Variants in PPP1R18 observed in about 807,000 individuals in gnomAD.
PPP1R18 encodes protein phosphatase 1 regulatory subunit 18.
Under a neutral mutation model 54.8 loss-of-function variants are expected in PPP1R18, and 31 were observed. That is an observed-to-expected ratio of 0.57 (90% CI 0.43 to 0.76). PPP1R18 has a LOEUF of 0.76. PPP1R18 is among the 30% of genes least tolerant of loss of function. The probability of loss-of-function intolerance (pLI) is 0.00; values close to 1 mark genes in which losing one functional copy is unlikely to be tolerated. For missense variants in PPP1R18, 685 were observed against 776.1 expected, an observed-to-expected ratio of 0.88 and a Z score of 1.39; for synonymous variants, 310 against 320.2, an observed-to-expected ratio of 0.97 and a Z score of 0.34.
In PPP1R18 at chr6:30,686,092, C is replaced by T; in HGVS notation, c.-74G>A. 1 of 1,451,296 alleles carries T rather than the reference C, an allele frequency of 6.9e-7. No individual in the cohort carries two copies. Among genetic ancestry groups the T allele is most frequent in the Non-Finnish European group, 9.2e-7 (1 of 1,089,496 alleles). The allele number at this position is 1,451,296 out of a possible 1,614,324, so 89.9% of individuals were successfully genotyped here. Reference sequence around the variant, plus strand: ...GGAGAGGCTCCAGAGAGTGAGACAGCCCGGGGGTGAGACTGAGGGTGGGAG... The same window carrying T: ...GGAGAGGCTCCAGAGAGTGAGACAGTCCGGGGGTGAGACTGAGGGTGGGAG... On this transcript the variant is annotated 5_prime_UTR_variant, in exon 1 of 3. Transcript: ENST00000274853.
intron 1 of PPP1R18, among the ~76,000 whole-genome samples, chr6:30,682,575 G>A (rs919787295): frequency 2.0e-5 from 3 of 152,086 alleles, no homozygotes; most frequent in Non-Finnish European, 2.9e-5. Flanking sequence ...AGGGTGAGGC[G>A]TCTGGGTCAG....
In PPP1R18 at chr6:30,685,510, C is replaced by T. The variant is rs746220736; in HGVS notation, c.509G>A (p.Arg170Gln). The T allele has an allele frequency of 1.1e-5, 18 of 1,612,958 alleles. No homozygotes were observed. Among genetic ancestry groups the T allele is most frequent in the Middle Eastern group, 1.6e-4 (1 of 6,084 alleles). Reference protein sequence around the residue: ...QELSLRPLEARDWRQSPGEVG... With the variant: ...QELSLRPLEAQDWRQSPGEVG... Reference sequence around the variant, plus strand: ...CTCTCCTGGGCTTTGCCTCCAGTCCCGAGCCTCCAGAGGCCTCAGGCTCAA... The same window carrying T: ...CTCTCCTGGGCTTTGCCTCCAGTCCTGAGCCTCCAGAGGCCTCAGGCTCAA... The change falls in exon 1 of 3, where the codon CGG (arginine) becomes CAG (glutamine). Residue 170 changes from arginine (R) to glutamine (Q), a missense_variant. Transcript: ENST00000274853. The surrounding 1 kb of genome is among the most constrained non-coding windows in gnomAD (Gnocchi z 5.0).
rs1223711080 is a variant in PPP1R18, at chr6:30,679,341, G to A, written c.1660C>T (p.Pro554Ser). Residue 554 changes from proline to serine, a missense_variant, in exon 2 of 3, where the codon CCC becomes TCC. Pro to Ser is a moderately conservative substitution (Grantham distance 74). Coordinates refer to ENST00000274853, the MANE Select transcript of PPP1R18 (RefSeq NM_133471.4). Reference protein sequence around the residue: ...ETALETTYQYPSESSVLEELG... With the variant: ...ETALETTYQYSSESSVLEELG... ...TCCTCCAGTACCGAACTCTCGGAGG[G>A]GTATTGGTACGTGGTCTCCAGGGCT... is the stretch of plus-strand genomic sequence containing the variant. 1.3e-6 allele frequency: 2 copies of A among 1,565,012 alleles called. No homozygotes were observed. Among genetic ancestry groups the A allele is most frequent in the African/African-American group, 2.8e-5 (2 of 72,594 alleles).
rs762046323 is a variant in PPP1R18, at chr6:30,685,428, T to C, written c.591A>G (p.Gly197=). The change falls in exon 1 of 3, where the codon GGA becomes GGG. Residue 197 remains glycine (G), a synonymous_variant. Transcript: ENST00000274853. This position sits in a 1 kb window ranked among gnomAD's most constrained non-coding sequence, Gnocchi z 5.0. ...GTCTCAGACTCCGCTCTGGAGTTTC[T>C]CCAGGACTCAGCCTCCATTTCCATG... The part of the protein sequence containing the change: ...SEAWKWRLSP[G]ETPERSLRLA... 31 of 1,613,074 alleles carry C rather than the reference T, an allele frequency of 1.9e-5. No individual in the cohort carries two copies. The highest frequency in any genetic ancestry group is 2.6e-5 in the Non-Finnish European group (31 of 1,180,028).
In PPP1R18 at chr6:30,677,847, A is replaced by AAAATAAAT. The variant is rs10632278; in HGVS notation, c.1823-567_1823-560dup. Among the ~76,000 whole-genome samples the AAAATAAAT allele has an allele frequency of 4.8e-3, 731 of 151,680 alleles. 7 individuals are homozygous for AAAATAAAT. The highest frequency in any genetic ancestry group is 0.041 in the Middle Eastern group (12 of 294). On this transcript the variant is annotated intron_variant, in intron 2 of 2. Transcript: ENST00000274853. ...AGGCGACAGAGGGAGACGCTGTCTC[A>AAAATAAAT]AAATAAATAAATAAATAAATAAATA...
chr6:30,685,862 G>A lies in PPP1R18; in HGVS notation c.157C>T (p.Leu53=), dbSNP rs2127615493. The A allele has an allele frequency of 6.2e-7, 1 of 1,612,212 alleles. No homozygotes were observed. The highest frequency in any genetic ancestry group is 2.2e-5 in the East Asian group (1 of 44,882). The part of the protein sequence containing the change: ...LLERRRAKLG[L]SPGEPSPVLG... ...ACAGGGCTAGGCTCCCCAGGGGACA[G>A]CCCAAGCTTGGCCCGGCGGCGCTCC... is the stretch of plus-strand genomic sequence containing the variant. Residue 53 remains leucine, a synonymous_variant, in exon 1 of 3, where the codon CTG becomes TTG. Coordinates refer to ENST00000274853, the MANE Select transcript of PPP1R18 (RefSeq NM_133471.4). The surrounding 1 kb of genome is among the most constrained non-coding windows in gnomAD (Gnocchi z 5.0).
At position 30,685,469 on chromosome 6, in the gene PPP1R18, A is replaced by C. The variant is rs199947526; in HGVS notation, c.550T>G (p.Ser184Ala). 2.5e-4 allele frequency: 396 copies of C among 1,612,712 alleles called. 3 individuals are homozygous for C. The East Asian group carries it at 8.1e-3, about 33-fold the overall frequency. ...QSPGEVGDRSSRLSEAWKWRL... is the reference protein window; with the variant it reads ...QSPGEVGDRSARLSEAWKWRL... The stretch of plus-strand genomic sequence containing the variant: ...CATTTCCATGCCTCTGACAGTCGGG[A>C]GCTCCTGTCTCCCACCTCTCCTGGG... Residue 184 changes from serine to alanine, a missense_variant, in exon 1 of 3, where the codon TCC (serine) becomes GCC (alanine). By Grantham distance (99) the Ser-to-Ala change is moderately conservative (BLOSUM62 1). Transcript: ENST00000274853. The surrounding 1 kb of genome is among the most constrained non-coding windows in gnomAD (Gnocchi z 5.0).
chr6:30,685,317 G>T lies in PPP1R18; in HGVS notation c.702C>A (p.Gly234=). 1 of 1,613,054 alleles carries T rather than the reference G, an allele frequency of 6.2e-7. No individual in the cohort carries two copies. Among genetic ancestry groups the T allele is most frequent in the Non-Finnish European group, 8.5e-7 (1 of 1,180,034 alleles). The change falls in exon 1 of 3, where the codon GGC becomes GGA. Residue 234 remains glycine (G), a synonymous_variant. Coordinates refer to ENST00000274853, the MANE Select transcript of PPP1R18 (RefSeq NM_133471.4). The surrounding 1 kb of genome is among the most constrained non-coding windows in gnomAD (Gnocchi z 5.0). ...GTCTCCATTTATGGGCCTCTGTCAGGCCCAACTTCTGGTAGGCAGATTCCC... is the reference window on the plus strand; with the variant it reads ...GTCTCCATTTATGGGCCTCTGTCAGTCCCAACTTCTGGTAGGCAGATTCCC... ...SPGESAYQKL[G]LTEAHKWRPD...
At position 30,686,333 on chromosome 6, in the gene PPP1R18, C is replaced by A; in HGVS notation, c.-315G>T. ...CAGATGTGGCAGCACAGGGTTAATGCGTATTAAAGACCGTCTCTAGGATGT... is the reference window on the plus strand; with the variant it reads ...CAGATGTGGCAGCACAGGGTTAATGAGTATTAAAGACCGTCTCTAGGATGT... On this transcript the variant is annotated 5_prime_UTR_variant, in exon 1 of 3. Coordinates refer to ENST00000274853, the MANE Select transcript of PPP1R18 (RefSeq NM_133471.4). 1 of 398,746 alleles carries A rather than the reference C, an allele frequency of 2.5e-6. No individual in the cohort carries two copies. The highest frequency in any genetic ancestry group is 4.2e-5 in the Admixed American group (1 of 23,704). The allele number at this position is 398,746 out of a possible 1,614,324, so 24.7% of individuals were successfully genotyped here.
chr6:30,684,745 G>A lies in PPP1R18; in HGVS notation c.1274C>T (p.Pro425Leu), dbSNP rs753103300. 38 of 1,568,216 alleles carry A rather than the reference G, an allele frequency of 2.4e-5. 1 individual carries two copies. The South Asian group carries it at 3.7e-4, about 15-fold the overall frequency. ...GGGAGACAGAGGGGCTGGTGGTGGG[G>A]GCTGGAGCTCCACTGCTTCCTCTTC... The part of the protein sequence containing the change: ...QQEEEAVELQ[P>L]PPPAPLSPPP... The change falls in exon 1 of 3, where the codon CCC (proline) becomes CTC (leucine). Residue 425 changes from proline (P) to leucine (L), a missense_variant. Coordinates refer to ENST00000274853, the MANE Select transcript of PPP1R18 (RefSeq NM_133471.4). The surrounding 1 kb of genome is among the most constrained non-coding windows in gnomAD (Gnocchi z 6.0).
chr6:30,676,499 C>A lies in PPP1R18; in HGVS notation c.*770G>T, dbSNP rs906623598. The A allele has an allele frequency of 2.0e-5, 3 of 152,238 alleles. No individual in the cohort carries two copies. Among genetic ancestry groups the A allele is most frequent in the African/African-American group, 7.2e-5 (3 of 41,436 alleles). 9.4% of individuals were successfully genotyped at this position (152,238 alleles called of 1,614,324 possible). A position where few individuals can be genotyped will look rare whatever the true frequency, so the allele number is the denominator to read the frequency against. On this transcript the variant is annotated 3_prime_UTR_variant, in exon 3 of 3. Transcript: ENST00000274853. ...GAGAGGTGAGGTGTCTCCTTAGCCA[C>A]CCGACACCATCTCAATTCAGTTCAA...
intron 1 of PPP1R18, among the ~76,000 whole-genome samples, chr6:30,682,155 C>T (rs371569541): frequency 2.0e-5 from 3 of 152,094 alleles, no homozygotes; most frequent in Non-Finnish European, 2.9e-5. Flanking sequence ...TATCTCCCCC[C>T]CTACCCTGCC....
chr6:30,682,231 G>A (rs575261982), intron 1 of PPP1R18, among the ~76,000 whole-genome samples: 7 of 152,112 alleles, frequency 4.6e-5, no homozygotes, highest in African/African-American at 1.7e-4. Context: ...CATGGGAGTG[G>A]GGGGGTAGAG....
rs1295956466 is a variant in PPP1R18, at chr6:30,685,882, C to T, written c.137G>A (p.Arg46His). 3.1e-6 allele frequency: 5 copies of T among 1,611,318 alleles called. No homozygotes were observed. Among genetic ancestry groups the T allele is most frequent in the Middle Eastern group, 1.7e-4 (1 of 6,010 alleles). ...MPAWKRGLLE[R>H]RRAKLGLSPG... is the part of the protein sequence containing the mutation. ...GGACAGCCCAAGCTTGGCCCGGCGG[C>T]GCTCCAGGAGCCCTCGTTTCCAGGC... Residue 46 changes from arginine to histidine, a missense_variant, in exon 1 of 3, where the codon CGC becomes CAC. Arg to His is a conservative substitution (Grantham distance 29). Transcript: ENST00000274853. This position sits in a 1 kb window ranked among gnomAD's most constrained non-coding sequence, Gnocchi z 5.0.
rs1193179811 is a variant in PPP1R18, at chr6:30,677,357, C to T, written c.1823-69G>A. 4.0e-5 allele frequency: 56 copies of T among 1,392,904 alleles called. No homozygotes were observed. In the East Asian group the frequency reaches 1.2e-3, roughly 31 times the overall value. 86.3% of individuals were successfully genotyped at this position (1,392,904 alleles called of 1,614,324 possible). On this transcript the variant is annotated intron_variant, in intron 2 of 2. Coordinates refer to ENST00000274853, the MANE Select transcript of PPP1R18 (RefSeq NM_133471.4). ...TCTGCCTTCTGCCCACCCTTCCCCCCCACACAAATTGAAGGGCAGTTGGCA... is the reference window on the plus strand; with the variant it reads ...TCTGCCTTCTGCCCACCCTTCCCCCTCACACAAATTGAAGGGCAGTTGGCA...
At position 30,684,827 on chromosome 6, in the gene PPP1R18, A is replaced by G. The variant is rs376341457; in HGVS notation, c.1192T>C (p.Ser398Pro). The change falls in exon 1 of 3, where the codon TCT (serine) becomes CCT (proline). Residue 398 changes from serine (S) to proline (P), a missense_variant. Physicochemically the swap from Ser to Pro is moderately conservative, Grantham distance 74. Transcript: ENST00000274853. The surrounding 1 kb of genome is among the most constrained non-coding windows in gnomAD (Gnocchi z 6.0). ...TCTGGTGGGAGGGGGGAGGGCACAGAGCAGCAGTTCTGCAGGGCTCTCAGA... is the reference window on the plus strand; with the variant it reads ...TCTGGTGGGAGGGGGGAGGGCACAGGGCAGCAGTTCTGCAGGGCTCTCAGA... The part of the protein sequence containing the change: ...RPLRALQNCC[S>P]VPSPLPPEDA... The G allele has an allele frequency of 1.7e-4, 275 of 1,612,700 alleles. 8 individuals are homozygous for G. The highest frequency in any genetic ancestry group is 9.4e-4 in the East Asian group (42 of 44,878).
chr6:30,680,518 G>A (rs1770483514), intron 1 of PPP1R18, among the ~76,000 whole-genome samples: 3 of 152,242 alleles, frequency 2.0e-5, no homozygotes, highest in South Asian at 2.1e-4. Flanking sequence ...TGGGCAGGTG[G>A]TTGTTAAGAG....
At position 30,685,511 on chromosome 6, in the gene PPP1R18, G is replaced by C. The variant is rs535651029; in HGVS notation, c.508C>G (p.Arg170Gly). ...QELSLRPLEA[R>G]DWRQSPGEVG... ...TCTCCTGGGCTTTGCCTCCAGTCCC[G>C]AGCCTCCAGAGGCCTCAGGCTCAAC... The change falls in exon 1 of 3, where the codon CGG (arginine) becomes GGG (glycine). Residue 170 changes from arginine (R) to glycine (G), a missense_variant. By Grantham distance (125) the Arg-to-Gly change is moderately radical. Transcript: ENST00000274853. The surrounding 1 kb of genome is among the most constrained non-coding windows in gnomAD (Gnocchi z 5.0). 82 of 1,612,948 alleles carry C rather than the reference G, an allele frequency of 5.1e-5. No homozygotes were observed. Among genetic ancestry groups the C allele is most frequent in the Admixed American group, 5.0e-5 (3 of 60,014 alleles).
In PPP1R18 at chr6:30,679,257, C is replaced by T. The variant is rs777124564; in HGVS notation, c.1744G>A (p.Asp582Asn). ...APNPPAAQPDDEEDEEELLLL... is the reference protein window; with the variant it reads ...APNPPAAQPDNEEDEEELLLL... ...AGCAGCTCTTCCTCATCCTCTTCGT[C>T]GTCGGGTTGGGCTGCTGGAGGGTTG... The change falls in exon 2 of 3, where the codon GAC becomes AAC. Residue 582 changes from aspartate to asparagine, a missense_variant. Coordinates refer to ENST00000274853, the MANE Select transcript of PPP1R18 (RefSeq NM_133471.4). The T allele has an allele frequency of 5.5e-5, 86 of 1,569,504 alleles. No homozygotes were observed. Among genetic ancestry groups the T allele is most frequent in the Non-Finnish European group, 6.9e-5 (80 of 1,157,674 alleles).
Sources: allele counts gnomAD v4.1 joint callset (sites outside exome capture counted in the v4.1 genomes callset), GRCh38; gene constraint gnomAD v4.1.1; non-coding constraint Gnocchi (gnomAD v3.1); transcripts MANE v1.5; gene names NCBI Gene and HGNC (gene_info 2026-07-23, HGNC 2026-07-21).